The following TTC6 variants were observed in gnomAD, a reference collection of about 807,000 sequenced individuals.
TTC6 encodes the protein tetratricopeptide repeat domain 6.
In TTC6, 172 loss-of-function variants were observed where a neutral mutation model predicts 210.4. The observed-to-expected ratio is 0.82, with a 90% confidence interval of 0.72 to 0.93. The LOEUF (loss-of-function observed/expected upper bound fraction) is 0.93, where lower values mean the gene tolerates loss of function less well. TTC6 is among the 40% of genes least tolerant of loss of function. The pLI is 0.00. For synonymous variants in TTC6, 804 were observed against 819.6 expected, an observed-to-expected ratio of 0.98 and a Z score of 0.32; for missense variants, 2,414 against 2,318.1, an observed-to-expected ratio of 1.04 and a Z score of -0.85.
At chr14:37,788,132 G>A (rs1331348138) in intron 15 of TTC6, among the ~76,000 whole-genome samples, 1 of 152,000 alleles carries the variant, frequency 6.6e-6, no homozygotes, top group Non-Finnish European at 1.5e-5. Flanking sequence ...CTAAAAATAG[G>A]TTTTGAGAAT....
chr14:37,719,785 T>G (rs2095858437), intron 6 of TTC6, among the ~76,000 whole-genome samples: 1 of 152,150 alleles, frequency 6.6e-6, no homozygotes, highest in Non-Finnish European at 1.5e-5. Flanking sequence ...GATTTAGGGC[T>G]AGGGAAAGCA....
intron 14 of TTC6, among the ~76,000 whole-genome samples, chr14:37,762,999 C>G (rs1443322360): frequency 2.0e-5 from 3 of 151,306 alleles, no homozygotes; most frequent in Admixed American, 6.6e-5. Context: ...ATTCTCCTGC[C>G]TCAGCCTCCG....
chr14:37,660,566 C>G (rs2138406043), intron 1 of TTC6, among the ~76,000 whole-genome samples: 1 of 152,152 alleles, frequency 6.6e-6, no homozygotes, highest in Admixed American at 6.5e-5. Flanking sequence ...GTATATGTAC[C>G]ACATTTTCTT....
intron 12 of TTC6, 96 bp downstream of exon 14, chr14:37,749,939 T>C (rs1165750776): frequency 1.1e-6 from 1 of 885,616 alleles, no homozygotes; most frequent in Non-Finnish European, 1.5e-6. Flanking sequence ...AGTAGATATA[T>C]GTCCTGAAAA....
At chr14:37,797,887 A>G (rs1430834220) in intron 20 of TTC6, among the ~76,000 whole-genome samples, 1 of 151,952 alleles carries the variant, frequency 6.6e-6, no homozygotes, top group Non-Finnish European at 1.5e-5. Context: ...ATGTTTCAGT[A>G]TCCTTTATTG....
intron 29 of TTC6, among the ~76,000 whole-genome samples, chr14:37,835,487 G>T (rs763683634): frequency 1.3e-5 from 2 of 152,184 alleles, no homozygotes; most frequent in Non-Finnish European, 2.9e-5. Flanking sequence ...AGTTGCAGAT[G>T]TGGCCCTTGA....
chr14:37,718,070 T>G (rs1302224671), intron 6 of TTC6, among the ~76,000 whole-genome samples: 2 of 152,224 alleles, frequency 1.3e-5, no homozygotes, highest in Non-Finnish European at 2.9e-5. Flanking sequence ...AGAGAATAAA[T>G]TTTTATTCTT....
At chr14:37,632,713 C>G (rs1042795900) in intron 1 of TTC6, among the ~76,000 whole-genome samples, 1 of 152,164 alleles carries the variant, frequency 6.6e-6, no homozygotes, top group East Asian at 1.9e-4. Flanking sequence ...TCAAGCTGCA[C>G]CCCCAGCCGC....
At chr14:37,798,604 G>T (rs1175125724) in intron 20 of TTC6, among the ~76,000 whole-genome samples, 3 of 150,702 alleles carry the variant, frequency 2.0e-5, no homozygotes, top group Non-Finnish European at 3.0e-5. Context: ...TCTTATTCTT[G>T]TCTAACTGTG....
Position 37,721,675 on chromosome 14 carries a change from C to T in TTC6, c.1714-3223C>T, listed in dbSNP as rs112135902. ...TAGCACACATGCATTTCCTCCAAAC[C>T]GCCATCATACTTCACCATGGCCACG... On this transcript the variant is annotated intron_variant, in intron 6 of 30. Transcript: ENST00000553443. 2.8e-3 allele frequency among the ~76,000 whole-genome samples: 420 copies of T among 151,732 alleles called. 6 individuals are homozygous for T. The highest frequency in any genetic ancestry group is 8.8e-3 in the African/African-American group (366 of 41,390).
intron 23 of TTC6, 114 bp downstream of exon 25, chr14:37,807,574 A>T: frequency 1.2e-6 from 1 of 844,232 alleles, no homozygotes; most frequent in Non-Finnish European, 1.7e-6. Context: ...CTATGATATG[A>T]AGGGCAGAAC....
intron 1 of TTC6, among the ~76,000 whole-genome samples, chr14:37,605,491 G>T (rs561744159): frequency 6.6e-6 from 1 of 152,290 alleles, no homozygotes; most frequent in Admixed American, 6.5e-5. Flanking sequence ...GGGGGAAGTG[G>T]GATGGTACAC....
At chr14:37,683,632 G>A (rs933464379) in intron 3 of TTC6, among the ~76,000 whole-genome samples, 15 of 152,070 alleles carry the variant, frequency 9.9e-5, no homozygotes, top group African/African-American at 3.6e-4. Flanking sequence ...TGTATTATTA[G>A]TTATGGTTGT....
intron 28 of TTC6, among the ~76,000 whole-genome samples, chr14:37,826,691 C>T (rs1468535823): frequency 6.6e-6 from 1 of 151,944 alleles, no homozygotes; most frequent in Non-Finnish European, 1.5e-5. Context: ...CAATGTAAAT[C>T]CCCAGAATCT....
rs2096008929 is a variant in TTC6 at position 37,769,035 on chromosome 14, C to G, written c.3266+15800C>G. On this transcript the variant is annotated intron_variant, in intron 14 of 30. Coordinates refer to ENST00000553443, the Ensembl canonical transcript of TTC6. The stretch of plus-strand genomic sequence containing the variant: ...AAGGGCTGTTGAATTTTGTCAAAGG[C>G]CTTTTCTGCATCTATTGAGATAATC... Among the ~76,000 whole-genome samples, 2 of 152,160 alleles carry G rather than the reference C, an allele frequency of 1.3e-5. 1 individual carries two copies. Among genetic ancestry groups the G allele is most frequent in the African/African-American group, 4.8e-5 (2 of 41,518 alleles).
At chr14:37,730,869 A>G (rs1331575254) in intron 7 of TTC6, among the ~76,000 whole-genome samples, 1 of 152,198 alleles carries the variant, frequency 6.6e-6, no homozygotes, top group Admixed American at 6.6e-5. Context: ...AAGTCTTTTT[A>G]CATGTCATTT....
At position 37,797,822 on chromosome 14, in the gene TTC6, C is replaced by T. The variant is rs546747438; in HGVS notation, c.4029+875C>T. On this transcript the variant is annotated intron_variant, in intron 20 of 30. Coordinates refer to ENST00000553443, the Ensembl canonical transcript of TTC6. ...GACCCTACTCTATCTTAAGATTATTCTTTTTTAGCATGAGAGAGTGATAAA... is the reference window on the plus strand; with the variant it reads ...GACCCTACTCTATCTTAAGATTATTTTTTTTTAGCATGAGAGAGTGATAAA... 1.4e-4 allele frequency among the ~76,000 whole-genome samples: 22 copies of T among 151,874 alleles called. No homozygotes were observed. The South Asian group carries it at 4.6e-3, about 32-fold the overall frequency.
chr14:37,819,330 G>T (rs1167947900), intron 26 of TTC6, among the ~76,000 whole-genome samples: 2 of 151,972 alleles, frequency 1.3e-5, no homozygotes, highest in Non-Finnish European at 2.9e-5. Flanking sequence ...GTAACTATGG[G>T]GATTCATTCC....
chr14:37,662,956 T>C (rs1035500603), intron 1 of TTC6, among the ~76,000 whole-genome samples: 2 of 152,218 alleles, frequency 1.3e-5, no homozygotes, highest in African/African-American at 4.8e-5. Flanking sequence ...GTCATACCAT[T>C]GAATCTGCAA....
Sources: gnomAD v4.1 joint callset for allele counts (sites outside exome capture counted in the v4.1 genomes callset) on GRCh38, gnomAD v4.1.1 for gene constraint, MANE v1.5 for transcripts, NCBI Gene and HGNC (gene_info 2026-07-23, HGNC 2026-07-21) for gene names.